DOK7: variants seen among roughly 807,000 people sequenced by gnomAD.
DOK7 encodes the protein protein Dok-7.
DOK7 carries 32 observed loss-of-function variants against 30.7 expected under a neutral mutation model. The ratio of observed to expected loss-of-function variants is 1.04; its 90% CI spans 0.79 to 1.40. The LOEUF (loss-of-function observed/expected upper bound fraction) is 1.40, where lower values mean the gene tolerates loss of function less well. Ranked by LOEUF, DOK7 falls within the 40% of genes most tolerant of loss-of-function variation. DOK7 has a pLI of 0.00. For synonymous variants in DOK7, 447 were observed against 324.1 expected (o/e 1.38, Z -4.07); for missense variants, 1,007 against 699.2 (o/e 1.44, Z -4.97).
intron 2 of DOK7, 89 bp downstream of exon 2, chr4:3,463,640 C>T: frequency 6.8e-7 from 1 of 1,466,376 alleles, no homozygotes; most frequent in Admixed American, 2.0e-5. Context: ...TGCCCAAAAT[C>T]GCCGCCGCTG....
In DOK7 at chr4:3,465,570, C is replaced by T. The variant is rs539158228; in HGVS notation, c.100+2019C>T. On this transcript the variant is annotated intron_variant, in intron 2 of 6. Coordinates refer to ENST00000340083, the MANE Select transcript of DOK7 (RefSeq NM_173660.5). ...GAAGGGCCCCGATGTGCACCTTTTC[C>T]ACTGGCACCTTTCTCCTCCTTGCGT... is the stretch of plus-strand genomic sequence containing the variant. 3.3e-5 allele frequency among the ~76,000 whole-genome samples: 5 copies of T among 152,322 alleles called. No individual in the cohort carries two copies. The South Asian group carries it at 1.0e-3, about 32-fold the overall frequency.
intron 2 of DOK7, among the ~76,000 whole-genome samples, chr4:3,467,183 G>A (rs1726335825): frequency 1.5e-5 from 2 of 132,634 alleles, no homozygotes; most frequent in Non-Finnish European, 3.4e-5. Flanking sequence ...CAGTGTGGGC[G>A]GGGACCCCCC....
chr4:3,493,901 G>C lies in DOK7; in HGVS notation c.*400G>C. On this transcript the variant is annotated 3_prime_UTR_variant, in exon 7 of 7. Transcript: ENST00000340083. ...CTCACGCCCCCTTCGGGGGTGGCCG[G>C]TTCTCCCCATCACCTCTCTGGGGCA... 2 of 1,063,224 alleles carry C rather than the reference G, an allele frequency of 1.9e-6. No homozygotes were observed. Among genetic ancestry groups the C allele is most frequent in the Non-Finnish European group, 2.3e-6 (2 of 880,812 alleles). 65.9% of individuals were successfully genotyped at this position (1,063,224 alleles called of 1,614,324 possible). A position where few individuals can be genotyped will look rare whatever the true frequency, so the allele number is the denominator to read the frequency against.
At position 3,500,122 on chromosome 4, in the gene DOK7, T is replaced by C. The variant is rs2699409; in HGVS notation, c.1109-129T>C. On this transcript the variant is annotated intron_variant, in intron 6 of 7. Coordinates refer to the DOK7 transcript ENST00000643608. ...ACGGTCAGGAACATGGAGCGGGAAC[T>C]TCCAAGGTGCAGGAGAGGCGGAGTG... 825,260 of 1,170,966 alleles carry C rather than the reference T, an allele frequency of 0.7. 293,554 individuals carry two copies. The highest frequency in any genetic ancestry group is 0.93 in the East Asian group (35,910 of 38,686). 72.5% of individuals were successfully genotyped at this position (1,170,966 alleles called of 1,614,324 possible). A position where few individuals can be genotyped will look rare whatever the true frequency, so the allele number is the denominator to read the frequency against.
At chr4:3,484,011 C>T (rs970221762) in intron 4 of DOK7, among the ~76,000 whole-genome samples, 1 of 152,220 alleles carries the variant, frequency 6.6e-6, no homozygotes, top group Non-Finnish European at 1.5e-5. Flanking sequence ...CAATTCTGAT[C>T]AGGAGCACCC....
rs2699418 is a variant in DOK7 at position 3,489,994 on chromosome 4, T to C, written c.772+198T>C. 0.8 allele frequency among the ~76,000 whole-genome samples: 110,419 copies of C among 138,056 alleles called. 43,716 individuals are homozygous for C. Among genetic ancestry groups the C allele is most frequent in the African/African-American group, 0.94 (34,422 of 36,730 alleles). The allele number at this position is 138,056 out of a possible 152,430, so 90.6% of individuals were successfully genotyped here. A position where few individuals can be genotyped will look rare whatever the true frequency, so the allele number is the denominator to read the frequency against. On this transcript the variant is annotated intron_variant, in intron 6 of 6. Transcript: ENST00000340083. Reference sequence around the variant, plus strand: ...ATTCATCCTTCCTTCCCCACCACCCTGCTCATTCCTTCCTTCTCCTCCTGC... The same window carrying C: ...ATTCATCCTTCCTTCCCCACCACCCCGCTCATTCCTTCCTTCTCCTCCTGC...
downstream of DOK7, among the ~76,000 whole-genome samples, chr4:3,495,551 G>A (rs140431046): frequency 1.2e-4 from 19 of 152,348 alleles, no homozygotes; most frequent in East Asian, 2.5e-3. Context: ...GCCTCGCTCC[G>A]GGCGTCTGAA....
chr4:3,469,123 CATT>C (rs886733864), intron 2 of DOK7, among the ~76,000 whole-genome samples: 5 of 142,122 alleles, frequency 3.5e-5, no homozygotes, highest in Non-Finnish European at 6.1e-5. Flanking sequence ...TGTGTGCACA[CATT>C]GTGTGTGTGC....
At chr4:3,469,721 C>T (rs1475306626) in intron 2 of DOK7, among the ~76,000 whole-genome samples, 2 of 152,240 alleles carry the variant, frequency 1.3e-5, no homozygotes, top group Non-Finnish European at 2.9e-5. Flanking sequence ...TTGGTCTCAG[C>T]CCTGGGCCTG....
chr4:3,478,139 C>G (rs925448723), intron 4 of DOK7, among the ~76,000 whole-genome samples: 2 of 152,212 alleles, frequency 1.3e-5, no homozygotes, highest in African/African-American at 4.8e-5. Context: ...AATTCCTTGG[C>G]ACGGGCAGGC....
chr4:3,492,293 C>T (rs1257557167), intron 6 of DOK7, among the ~76,000 whole-genome samples: 1 of 151,744 alleles, frequency 6.6e-6, no homozygotes, highest in East Asian at 1.9e-4. Flanking sequence ...ACAGCTGGTG[C>T]CTCGTGTCCA....
At chr4:3,481,978 C>G (rs1349816474) in intron 4 of DOK7, among the ~76,000 whole-genome samples, 1 of 152,068 alleles carries the variant, frequency 6.6e-6, no homozygotes, top group Non-Finnish European at 1.5e-5. Flanking sequence ...TTGGCGCCGC[C>G]CTGAGCCCCG....
At chr4:3,479,974 G>C (rs1286934910) in intron 4 of DOK7, among the ~76,000 whole-genome samples, 1 of 152,236 alleles carries the variant, frequency 6.6e-6, no homozygotes, top group Non-Finnish European at 1.5e-5. Context: ...CCTCACACAC[G>C]GGCAAGTGAC....
rs1183125481 is a variant in DOK7 at position 3,473,558 on chromosome 4, C to T, written c.253C>T (p.Gln85Ter). Residue 85 changes from glutamine (Q) to a stop codon, truncating the protein, a stop_gained, in exon 3 of 7, where the codon CAG becomes TAG. Transcript: ENST00000340083. LOFTEE classifies it high-confidence loss of function. ...VHTLAIVCLSQAIMLGFDSHE... is the reference protein window; with the variant it reads ...VHTLAIVCLS ...CACGCTGGCCATTGTCTGCCTGTCCCAGGCCATCATGCTGGGCTTTGACAG... is the reference window on the plus strand; with the variant it reads ...CACGCTGGCCATTGTCTGCCTGTCCTAGGCCATCATGCTGGGCTTTGACAG... The T allele has an allele frequency of 6.2e-7, 1 of 1,610,550 alleles. No homozygotes were observed. The highest frequency in any genetic ancestry group is 8.5e-7 in the Non-Finnish European group (1 of 1,179,376).
chr4:3,499,554 G>A (rs1729089983), intron 6 of DOK7, among the ~76,000 whole-genome samples: 1 of 152,162 alleles, frequency 6.6e-6, no homozygotes, highest in Non-Finnish European at 1.5e-5. Flanking sequence ...CACCCAGCCG[G>A]GCCTGTGGGG....
intron 4 of DOK7, among the ~76,000 whole-genome samples, chr4:3,481,106 C>T (rs369157371): frequency 5.3e-5 from 8 of 151,400 alleles, no homozygotes; most frequent in African/African-American, 1.7e-4. Context: ...GGATAGGAGG[C>T]GTGAGGGTGG....
chr4:3,498,913 G>T (rs1022390828), downstream of DOK7, among the ~76,000 whole-genome samples: 3 of 152,204 alleles, frequency 2.0e-5, no homozygotes, highest in Admixed American at 1.3e-4. Context: ...AACCCTCGTC[G>T]ACCTGGGCTC....
At chr4:3,476,952 A>G (rs1315623035) in intron 4 of DOK7, among the ~76,000 whole-genome samples, 1 of 152,238 alleles carries the variant, frequency 6.6e-6, no homozygotes, top group Admixed American at 6.5e-5. Flanking sequence ...TTCCTGGTGG[A>G]CATGCCAGCC....
exon 7 of DOK7, chr4:3,500,381 G>A (rs1037349210): frequency 1.3e-6 from 2 of 1,535,832 alleles, no homozygotes; most frequent in Admixed American, 2.0e-5. Flanking sequence ...TGGAGCTCCA[G>A]GAGGCCAGCG....
Sources: gnomAD v4.1 joint callset for allele counts (sites outside exome capture counted in the v4.1 genomes callset) on GRCh38, gnomAD v4.1.1 for gene constraint, MANE v1.5 for transcripts, NCBI Gene and HGNC (gene_info 2026-07-23, HGNC 2026-07-21) for gene names.